NKIRAS1: variants seen among roughly 807,000 people sequenced by gnomAD.
NKIRAS1 encodes NFKB inhibitor interacting Ras like 1, also known as NF-kappa-B inhibitor-interacting Ras-like protein 1.
NKIRAS1 carries 16 observed loss-of-function variants against 19.8 expected under a neutral mutation model. That is an observed-to-expected ratio of 0.81 (90% CI 0.55 to 1.23). The LOEUF (loss-of-function observed/expected upper bound fraction) is 1.23, where lower values mean the gene tolerates loss of function less well. NKIRAS1 is among the 50% of genes most tolerant of loss of function. NKIRAS1 has a pLI of 0.00. For synonymous variants in NKIRAS1, 88 were observed against 79.0 expected (o/e 1.11, Z -0.61); for missense variants, 184 against 220.0 (o/e 0.84, Z 1.04).
intron 1 of NKIRAS1, among the ~76,000 whole-genome samples, chr3:23,937,207 A>T (rs11921201): frequency 0.64 from 97,122 of 151,528 alleles, 31,326 homozygotes; most frequent in Middle Eastern, 0.73. Flanking sequence ...GGCGAAACCC[A>T]GTCTCTACAA....
chr3:23,894,404 A>G (rs1481683040), intron 4 of NKIRAS1, among the ~76,000 whole-genome samples: 2 of 152,196 alleles, frequency 1.3e-5, no homozygotes, highest in African/African-American at 4.8e-5. Context: ...CAGTAAGGCC[A>G]TGCCTTGCTG....
In NKIRAS1 at chr3:23,922,941, C is replaced by T. The variant is rs958528339; in HGVS notation, c.-139-11491G>A. On this transcript the variant is annotated intron_variant, in intron 1 of 4. Coordinates refer to the NKIRAS1 transcript ENST00000421515. This position sits in a 1 kb window ranked among gnomAD's most constrained non-coding sequence, Gnocchi z 4.2. ...ACCTCAGCCTGTCGAGTAGCTGGAA[C>T]CACAGGTGCACACCACCATGCCAGG... 6.6e-6 allele frequency: 1 copy of T among 152,162 alleles called. No individual in the cohort carries two copies. The allele number at this position is 152,162 out of a possible 1,614,324, so 9.4% of individuals were successfully genotyped here. A position where few individuals can be genotyped will look rare whatever the true frequency, so the allele number is the denominator to read the frequency against.
At chr3:23,899,517 TG>T (rs749134263) in intron 4 of NKIRAS1, among the ~76,000 whole-genome samples, 7 of 152,252 alleles carry the variant, frequency 4.6e-5, no homozygotes, top group Non-Finnish European at 8.8e-5. Context: ...GTATATTATC[TG>T]GTTTCCTAGA....
upstream of NKIRAS1, chr3:23,917,984 C>T: frequency 6.2e-7 from 1 of 1,612,416 alleles, no homozygotes; most frequent in Non-Finnish European, 8.5e-7. Flanking sequence ...GCTCCCCGCC[C>T]CACCCGGCCT....
At position 23,891,702 on chromosome 3, in the gene NKIRAS1, T is replaced by G. The variant is rs1575053090; in HGVS notation, c.*1393A>C. The G allele has an allele frequency of 6.6e-6, 1 of 152,350 alleles. No individual in the cohort carries two copies. The highest frequency in any genetic ancestry group is 1.9e-4 in the East Asian group (1 of 5,188). 9.4% of individuals were successfully genotyped at this position (152,350 alleles called of 1,614,324 possible). A position where few individuals can be genotyped will look rare whatever the true frequency, so the allele number is the denominator to read the frequency against. ...TCTGTATGTCTCTTTCAGAGAAACTTATCTGGATACACATACATTCATTAC... is the reference window on the plus strand; with the variant it reads ...TCTGTATGTCTCTTTCAGAGAAACTGATCTGGATACACATACATTCATTAC... On this transcript the variant is annotated 3_prime_UTR_variant, in exon 5 of 5. Transcript: ENST00000425478.
Position 23,926,994 on chromosome 3 carries a change from G to A in NKIRAS1, c.-139-15544C>T, listed in dbSNP as rs1339770222. On this transcript the variant is annotated intron_variant, in intron 1 of 4. Transcript: ENST00000421515. This position sits in a 1 kb window ranked among gnomAD's most constrained non-coding sequence, Gnocchi z 4.3. ...CCCCAAACAGGATGAAATCCATGTC[G>A]CAGTTTTTAACCAAGCAACACTCTC... Among the ~76,000 whole-genome samples, 1 of 152,090 alleles carries A rather than the reference G, an allele frequency of 6.6e-6. No homozygotes were observed. The highest frequency in any genetic ancestry group is 1.5e-5 in the Non-Finnish European group (1 of 68,022).
At chr3:23,898,768 G>C (rs1485235746) in intron 4 of NKIRAS1, among the ~76,000 whole-genome samples, 4 of 152,026 alleles carry the variant, frequency 2.6e-5, no homozygotes, top group African/African-American at 9.7e-5. Flanking sequence ...TATATCAGGG[G>C]TCCCCAACCC....
In NKIRAS1 at chr3:23,946,358, C is replaced by A. The variant is rs549283213; in HGVS notation, c.-175G>T. The A allele has an allele frequency of 4.7e-5, 44 of 933,782 alleles. No individual in the cohort carries two copies. The African/African-American group carries it at 7.1e-4, about 15-fold the overall frequency. 57.8% of individuals were successfully genotyped at this position (933,782 alleles called of 1,614,324 possible). On this transcript the variant is annotated 5_prime_UTR_variant, in exon 1 of 5. Transcript: ENST00000421515. ...CCGAGGAGGAAGTGCAGGACGAGGG[C>A]GTGCTGCAGGCCGGAGGAGGCGCCT... is the stretch of plus-strand genomic sequence containing the variant.
At chr3:23,921,894 A>C (rs935504610), upstream of NKIRAS1, 1 of 428,466 alleles carries the variant, frequency 2.3e-6, no homozygotes, top group Non-Finnish European at 4.1e-6. Context: ...TTTTTTGTAC[A>C]GACAGGATCT....
chr3:23,917,829 A>T, upstream of NKIRAS1: 1 of 1,600,116 alleles, frequency 6.2e-7, no homozygotes, highest in Non-Finnish European at 8.5e-7. Context: ...ATGATATTTA[A>T]TACACAGTTT....
At chr3:23,937,323 ACT>A (rs1276489010) in intron 1 of NKIRAS1, among the ~76,000 whole-genome samples, 4 of 151,966 alleles carry the variant, frequency 2.6e-5, no homozygotes, top group Non-Finnish European at 5.9e-5. Flanking sequence ...AGGGCCATAG[ACT>A]CTGTCTGGAA....
rs869149147 is a variant in NKIRAS1 at position 23,936,547 on chromosome 3, TTC to T, written c.-140+9774_-140+9775del. Among the ~76,000 whole-genome samples, 21 of 152,220 alleles carry T rather than the reference TTC, an allele frequency of 1.4e-4. No individual in the cohort carries two copies. The South Asian group carries it at 4.4e-3, about 32-fold the overall frequency. The stretch of plus-strand genomic sequence containing the variant: ...GAGGTAGAGCCCGAAAAACTGCTTT[TTC>T]TTTTTTTTTTCTTTTGAGACGGAGT... On this transcript the variant is annotated intron_variant, in intron 1 of 4. Transcript: ENST00000421515.
chr3:23,923,330 C>CCTGCCT (rs1705148695), intron 1 of NKIRAS1: 1 of 151,772 alleles, frequency 6.6e-6, no homozygotes, highest in Admixed American at 6.6e-5. Flanking sequence ...AAGCGATTCT[C>CCTGCCT]CTGCCTCAGC....
chr3:23,903,387 T>C (rs1702708119), intron 3 of NKIRAS1, among the ~76,000 whole-genome samples: 1 of 152,278 alleles, frequency 6.6e-6, no homozygotes, highest in African/African-American at 2.4e-5. Context: ...AGTGCTAGGA[T>C]TACAGGCATG....
At chr3:23,921,450 C>G, upstream of NKIRAS1, 1 of 610,850 alleles carries the variant, frequency 1.6e-6, no homozygotes, top group Non-Finnish European at 2.9e-6. Flanking sequence ...GATGGGAAAG[C>G]TTTACTCCAA....
At chr3:23,912,900 C>T (rs1189381951) in intron 1 of NKIRAS1, among the ~76,000 whole-genome samples, 8 of 151,870 alleles carry the variant, frequency 5.3e-5, no homozygotes, top group African/African-American at 1.5e-4. Flanking sequence ...GGGCGGATCA[C>T]GAGGTCAGGA....
chr3:23,925,280 A>G (rs1705193979), intron 1 of NKIRAS1, among the ~76,000 whole-genome samples: 1 of 152,200 alleles, frequency 6.6e-6, no homozygotes, highest in Non-Finnish European at 1.5e-5. Context: ...CCACACTGGT[A>G]GAGAGAGTAT....
intron 1 of NKIRAS1, among the ~76,000 whole-genome samples, chr3:23,937,081 G>A (rs7610533): frequency 0.64 from 97,577 of 152,022 alleles, 31,531 homozygotes; most frequent in Middle Eastern, 0.73. Context: ...AAGTATTGGC[G>A]ACAAGGTAGG....
intron 3 of NKIRAS1, among the ~76,000 whole-genome samples, chr3:23,903,521 G>A (rs1175484647): frequency 1.4e-5 from 2 of 147,606 alleles, no homozygotes; most frequent in Non-Finnish European, 2.9e-5. Flanking sequence ...ACTATACAAA[G>A]AAAAGAAAAC....
Sources: gnomAD v4.1 joint callset for allele counts (sites outside exome capture counted in the v4.1 genomes callset) on GRCh38, gnomAD v4.1.1 for gene constraint, Gnocchi (gnomAD v3.1) non-coding constraint, MANE v1.5 for transcripts, NCBI Gene and HGNC (gene_info 2026-07-23, HGNC 2026-07-21) for gene names.